ARHGAP31: variants seen among roughly 807,000 people sequenced by gnomAD.
The protein encoded by ARHGAP31 is rho GTPase-activating protein 31.
ARHGAP31 carries 34 observed loss-of-function variants against 113.9 expected under a neutral mutation model. That is an observed-to-expected ratio of 0.30 (90% CI 0.23 to 0.40). The LOEUF (loss-of-function observed/expected upper bound fraction) is 0.40. ARHGAP31 is among the 10% of genes least tolerant of loss of function. The probability of loss-of-function intolerance (pLI) is 1.00; values close to 1 mark genes in which losing one functional copy is unlikely to be tolerated. For missense variants in ARHGAP31, 1,548 were observed against 1,767.1 expected (o/e 0.88, Z 2.22); for synonymous variants, 650 against 684.8 (o/e 0.95, Z 0.79).
intron 1 of ARHGAP31, among the ~76,000 whole-genome samples, chr3:119,301,417 AT>A (rs1042383497): frequency 2.0e-5 from 3 of 152,042 alleles, no homozygotes; most frequent in Non-Finnish European, 4.4e-5. Flanking sequence ...CTAGGAACAC[AT>A]TTTCCCATAG....
chr3:119,324,859 T>A (rs2107604290), intron 1 of ARHGAP31: 1 of 449,346 alleles, frequency 2.2e-6, no homozygotes, highest in African/African-American at 2.0e-5. Flanking sequence ...GAACCAATTT[T>A]GAATAAACCA....
At chr3:119,348,491 C>G (rs1354145734) in intron 1 of ARHGAP31, among the ~76,000 whole-genome samples, 1 of 152,110 alleles carries the variant, frequency 6.6e-6, no homozygotes, top group Non-Finnish European at 1.5e-5. Flanking sequence ...TCACATTGAG[C>G]CTTAATCCTA....
chr3:119,369,054 G>T (rs1216815192), intron 3 of ARHGAP31, among the ~76,000 whole-genome samples: 3 of 152,224 alleles, frequency 2.0e-5, no homozygotes, highest in Non-Finnish European at 4.4e-5. Flanking sequence ...GATAGGCAGT[G>T]AGTTGGACTG....
At chr3:119,409,438 G>T in intron 10 of ARHGAP31, 58 bp from the exon 11 acceptor site, 1 of 1,597,730 alleles carries the variant, frequency 6.3e-7, no homozygotes. Context: ...ACTGTGTTGG[G>T]AAGAGTCTCT....
chr3:119,296,991 G>A (rs1457235588), intron 1 of ARHGAP31, among the ~76,000 whole-genome samples: 3 of 152,158 alleles, frequency 2.0e-5, no homozygotes, highest in Non-Finnish European at 4.4e-5. Flanking sequence ...AAAGCAGACA[G>A]CCCTGCTACA....
rs778455077 is a variant in ARHGAP31, at chr3:119,393,476, C to T, written c.891C>T (p.Leu297=). ...GCCTTGGTTCTTTTAGGCGAAAGCT[C>T]TCCAGTAAATCAAAGAAGTGGAAAT... The part of the protein sequence containing the change: ...VLELPDNKRK[L]SSKSKKWKSI... Residue 297 remains leucine, a synonymous_variant, in exon 8 of 12, where the codon CTC becomes CTT. Transcript: ENST00000264245. 2.8e-5 allele frequency: 46 copies of T among 1,614,146 alleles called. No individual in the cohort carries two copies. Among genetic ancestry groups the T allele is most frequent in the Non-Finnish European group, 3.9e-5 (46 of 1,180,014 alleles).
intron 6 of ARHGAP31, among the ~76,000 whole-genome samples, chr3:119,389,349 T>C (rs558687100): frequency 4.3e-4 from 65 of 152,328 alleles, no homozygotes; most frequent in Non-Finnish European, 8.8e-4. Flanking sequence ...AGTGAGTTAA[T>C]GTATGTATTT....
chr3:119,309,439 A>T (rs1225051573), intron 1 of ARHGAP31, among the ~76,000 whole-genome samples: 1 of 152,160 alleles, frequency 6.6e-6, no homozygotes, highest in Non-Finnish European at 1.5e-5. Context: ...TGTGTCTCTG[A>T]AAACAGCCCT....
chr3:119,402,229 T>C lies in ARHGAP31; in HGVS notation c.1477T>C (p.Ser493Pro). 1.2e-6 allele frequency: 2 copies of C among 1,614,258 alleles called. No individual in the cohort carries two copies. Among genetic ancestry groups the C allele is most frequent in the South Asian group, 2.2e-5 (2 of 91,090 alleles). ...ALNISEPFAV[S>P]VPLRVSAVIS... ...GAACATCTCCGAGCCCTTTGCGGTA[T>C]CTGTGCCGCTCCGCGTGTCCGCAGT... The change falls in exon 10 of 12, where the codon TCT becomes CCT. Residue 493 changes from serine (S) to proline (P), a missense_variant. Ser to Pro is a moderately conservative substitution (Grantham distance 74). Transcript: ENST00000264245.
chr3:119,296,205 G>A (rs539082471), intron 1 of ARHGAP31, among the ~76,000 whole-genome samples: 8 of 152,306 alleles, frequency 5.3e-5, no homozygotes, highest in African/African-American at 1.9e-4. Context: ...AATTTGCAGT[G>A]GTGTGATATT....
At chr3:119,304,801 G>T (rs1038837449) in intron 1 of ARHGAP31, among the ~76,000 whole-genome samples, 3 of 151,936 alleles carry the variant, frequency 2.0e-5, no homozygotes, top group Admixed American at 6.6e-5. Context: ...AGGCTGAGGC[G>T]AAAGAATTGC....
At chr3:119,303,065 T>C (rs1423834762) in intron 1 of ARHGAP31, among the ~76,000 whole-genome samples, 3 of 152,216 alleles carry the variant, frequency 2.0e-5, no homozygotes, top group Non-Finnish European at 4.4e-5. Context: ...ACCCAATTTG[T>C]TATGCATTCT....
intron 1 of ARHGAP31, among the ~76,000 whole-genome samples, chr3:119,313,043 C>G (rs2079696390): frequency 6.6e-6 from 1 of 152,148 alleles, no homozygotes; most frequent in African/African-American, 2.4e-5. Flanking sequence ...GCCAACTACC[C>G]ATTTTGTAAC....
intron 1 of ARHGAP31, among the ~76,000 whole-genome samples, chr3:119,337,031 C>T (rs1484151781): frequency 6.6e-6 from 1 of 152,172 alleles, no homozygotes; most frequent in Non-Finnish European, 1.5e-5. Flanking sequence ...TATGGATATA[C>T]CACAGTTTAT....
At chr3:119,298,249 T>G (rs2079550585) in intron 1 of ARHGAP31, among the ~76,000 whole-genome samples, 1 of 152,192 alleles carries the variant, frequency 6.6e-6, no homozygotes, top group South Asian at 2.1e-4. Context: ...TTTCTCTTCC[T>G]GTCTGGAATA....
intron 1 of ARHGAP31, among the ~76,000 whole-genome samples, chr3:119,330,264 A>G (rs1449692617): frequency 6.6e-6 from 1 of 152,214 alleles, no homozygotes; most frequent in Non-Finnish European, 1.5e-5. Context: ...GAGCTGCCCA[A>G]GCTGCAGAGG....
At chr3:119,389,367 T>G (rs954900628) in intron 6 of ARHGAP31, among the ~76,000 whole-genome samples, 3 of 152,244 alleles carry the variant, frequency 2.0e-5, no homozygotes, top group Non-Finnish European at 4.4e-5. Context: ...TTTATTTTTA[T>G]GTATTTTTAA....
intron 1 of ARHGAP31, among the ~76,000 whole-genome samples, chr3:119,362,174 G>T (rs1225171123): frequency 6.6e-6 from 1 of 152,192 alleles, no homozygotes; most frequent in Non-Finnish European, 1.5e-5. Flanking sequence ...TCTTTATCAA[G>T]GTCCTTAGAG....
At position 119,383,210 on chromosome 3, in the gene ARHGAP31, G is replaced by C. The variant is rs2080418320; in HGVS notation, c.666G>C (p.Gly222=). ...AAATCTTTAACAACGGTGCACCTGG[G>C]TCTCTGGAGAATGATGGTAAGGACT... is the stretch of plus-strand genomic sequence containing the variant. The part of the protein sequence containing the change: ...VDQIFNNGAP[G]SLENDENRPI... Residue 222 remains glycine (G), a synonymous_variant, in exon 6 of 12, where the codon GGG becomes GGC. Coordinates refer to ENST00000264245, the MANE Select transcript of ARHGAP31 (RefSeq NM_020754.4). 6.2e-7 allele frequency: 1 copy of C among 1,614,150 alleles called. No homozygotes were observed. Among genetic ancestry groups the C allele is most frequent in the Non-Finnish European group, 8.5e-7 (1 of 1,180,026 alleles).
Sources: allele counts gnomAD v4.1 joint callset (sites outside exome capture counted in the v4.1 genomes callset), GRCh38; gene constraint gnomAD v4.1.1; transcripts MANE v1.5; gene names NCBI Gene and HGNC (gene_info 2026-07-23, HGNC 2026-07-21).